LMX1A: variants seen among roughly 807,000 people sequenced by gnomAD.
LMX1A encodes LIM homeobox transcription factor 1-alpha.
Under a neutral mutation model 49.1 loss-of-function variants are expected in LMX1A, and 15 were observed. The observed-to-expected ratio is 0.31, with a 90% confidence interval of 0.20 to 0.47. The LOEUF (loss-of-function observed/expected upper bound fraction) is 0.47, where lower values mean the gene tolerates loss of function less well. LMX1A is among the 20% of genes least tolerant of loss of function. The pLI is 1.00. For missense variants in LMX1A, 372 were observed against 475.8 expected, an observed-to-expected ratio of 0.78 and a Z score of 2.03; for synonymous variants, 167 against 185.7, an observed-to-expected ratio of 0.90 and a Z score of 0.82.
intron 8 of LMX1A, among the ~76,000 whole-genome samples, chr1:165,205,344 A>G (rs1651032841): frequency 6.6e-6 from 1 of 152,164 alleles, no homozygotes. Context: ...CAGCATTTAA[A>G]TCAATGCTTC....
At chr1:165,306,035 C>T (rs1654911559) in intron 3 of LMX1A, among the ~76,000 whole-genome samples, 1 of 152,180 alleles carries the variant, frequency 6.6e-6, no homozygotes, top group African/African-American at 2.4e-5. Context: ...ATGTCCCAGA[C>T]GTGCGTACAG....
chr1:165,281,333 G>T (rs1654141822), intron 3 of LMX1A, among the ~76,000 whole-genome samples: 1 of 152,212 alleles, frequency 6.6e-6, no homozygotes, highest in Non-Finnish European at 1.5e-5. Context: ...AGCTGAGCTG[G>T]CATACCCAGC....
At position 165,353,238 on chromosome 1, in the gene LMX1A, A is replaced by G. The variant is rs762686988; in HGVS notation, c.101T>C (p.Val34Ala). The G allele has an allele frequency of 6.2e-7, 1 of 1,613,016 alleles. No homozygotes were observed. Among genetic ancestry groups the G allele is most frequent in the South Asian group, 1.1e-5 (1 of 91,068 alleles). ...GATGACCCGCTGACAGCCCTCGCAG[A>G]CAGACTTGGGGCTCACCGCTCTGCC... ...LLGRAVSPKS[V>A]CEGCQRVILD... is the part of the protein sequence containing the mutation. The change falls in exon 3 of 9, where the codon GTC becomes GCC. Residue 34 changes from valine (V) to alanine (A), a missense_variant. Physicochemically the swap from Val to Ala is moderately conservative, Grantham distance 64. Around this residue, in one of 3 missense-constraint regions of LMX1A, gnomAD observed 199 missense variants for 244.0 expected, o/e 0.82. Transcript: ENST00000342310.
chr1:165,351,284 AG>A (rs1421889059), intron 3 of LMX1A, among the ~76,000 whole-genome samples: 2 of 152,210 alleles, frequency 1.3e-5, no homozygotes, highest in Non-Finnish European at 2.9e-5. Flanking sequence ...GTAATCTATA[AG>A]CAGAAAGTTA....
intron 3 of LMX1A, among the ~76,000 whole-genome samples, chr1:165,306,684 A>G (rs1278119079): frequency 4.6e-5 from 7 of 152,168 alleles, no homozygotes; most frequent in Non-Finnish European, 8.8e-5. Context: ...CTCCTTCCCA[A>G]ATGTAGTCAG....
intron 4 of LMX1A, among the ~76,000 whole-genome samples, chr1:165,238,423 T>C (rs1652528364): frequency 6.6e-6 from 1 of 152,184 alleles, no homozygotes; most frequent in Non-Finnish European, 1.5e-5. Context: ...AAATCAGTAA[T>C]AGTACCTTAC....
chr1:165,288,216 T>C lies in LMX1A; in HGVS notation c.264-38576A>G, dbSNP rs112201389. ...CTCTCCTGGGTTGGGCCTGCTTGGA[T>C]GAGGAAGTGACAAGCAGTGGGGAAA... On this transcript the variant is annotated intron_variant, in intron 3 of 8. Transcript: ENST00000342310. Among the ~76,000 whole-genome samples, 339 of 152,128 alleles carry C rather than the reference T, an allele frequency of 2.2e-3. 2 individuals carry two copies. Among genetic ancestry groups the C allele is most frequent in the African/African-American group, 7.9e-3 (328 of 41,486 alleles).
At chr1:165,210,466 G>GCCTAGGCCAAATCCACAGCCAAA (rs1194552821) in intron 6 of LMX1A, among the ~76,000 whole-genome samples, 5 of 152,208 alleles carry the variant, frequency 3.3e-5, no homozygotes, top group Non-Finnish European at 7.3e-5. Flanking sequence ...CAAAACCACA[G>GCCTAGGCCAAATCCACAGCCAAA]TCATGGCTGC....
At position 165,204,051 on chromosome 1, in the gene LMX1A, G is replaced by A. The variant is rs778889045; in HGVS notation, c.989-11C>T. The A allele has an allele frequency of 1.4e-5, 23 of 1,613,526 alleles. No homozygotes were observed. In the South Asian group the frequency reaches 2.4e-4, roughly 17 times the overall value. ...AAAGGGGCTCGGCACCTGAAATGGAGATGAAACACTGGCATGAGGGTCTTG... is the reference window on the plus strand; with the variant it reads ...AAAGGGGCTCGGCACCTGAAATGGAAATGAAACACTGGCATGAGGGTCTTG... On this transcript the variant is annotated splice_polypyrimidine_tract_variant and intron_variant, in intron 8 of 8. Coordinates refer to ENST00000342310, the MANE Select transcript of LMX1A (RefSeq NM_177398.4).
At chr1:165,354,024 G>C (rs1245407433) in intron 2 of LMX1A, among the ~76,000 whole-genome samples, 1 of 152,212 alleles carries the variant, frequency 6.6e-6, no homozygotes, top group African/African-American at 2.4e-5. Flanking sequence ...GCGGAGGCAG[G>C]AAATCCACTC....
intron 3 of LMX1A, among the ~76,000 whole-genome samples, chr1:165,253,271 C>T (rs893486067): frequency 6.6e-6 from 1 of 152,128 alleles, no homozygotes; most frequent in African/African-American, 2.4e-5. Context: ...AGCAATGTCC[C>T]ATGAATATAA....
chr1:165,343,925 A>G (rs1008248248), intron 3 of LMX1A, among the ~76,000 whole-genome samples: 4 of 152,214 alleles, frequency 2.6e-5, no homozygotes, highest in Non-Finnish European at 5.9e-5. Flanking sequence ...AGAATAGAAC[A>G]TTATCTTGTC....
chr1:165,341,589 A>AATATAT (rs5778445), intron 3 of LMX1A, among the ~76,000 whole-genome samples: 2,680 of 146,622 alleles, frequency 0.018, 54 homozygotes, highest in African/African-American at 0.043. Flanking sequence ...CAATAAACCA[A>AATATAT]ATATATATAT....
intron 3 of LMX1A, among the ~76,000 whole-genome samples, chr1:165,310,504 T>C (rs76707451): frequency 6.6e-6 from 1 of 152,208 alleles, no homozygotes; most frequent in Non-Finnish European, 1.5e-5. Context: ...AAGTGAGTTA[T>C]CATGCATAGC....
intron 4 of LMX1A, among the ~76,000 whole-genome samples, chr1:165,248,778 A>C (rs1652950396): frequency 6.6e-6 from 1 of 152,228 alleles, no homozygotes; most frequent in African/African-American, 2.4e-5. Context: ...GTTCCAATCC[A>C]TCATCCTCTT....
chr1:165,275,041 A>C (rs1304903574), intron 3 of LMX1A, among the ~76,000 whole-genome samples: 56 of 152,226 alleles, frequency 3.7e-4, no homozygotes, highest in Non-Finnish European at 1.8e-4. Context: ...TTTTGGTCTT[A>C]TTTTAATTTT....
intron 1 of LMX1A, 21 bp downstream of exon 1, chr1:165,356,334 G>C (rs867836875): frequency 2.9e-4 from 44 of 152,338 alleles, no homozygotes; most frequent in African/African-American, 8.9e-4. Flanking sequence ...CCACAGCCTA[G>C]GCACGGGCAG....
chr1:165,348,884 C>T (rs1427404048), intron 3 of LMX1A, among the ~76,000 whole-genome samples: 1 of 152,184 alleles, frequency 6.6e-6, no homozygotes, highest in Non-Finnish European at 1.5e-5. Context: ...CAGCCACTTT[C>T]CCCTTTTTCA....
At chr1:165,248,023 TAC>T (rs1652920776) in intron 4 of LMX1A, among the ~76,000 whole-genome samples, 1 of 152,226 alleles carries the variant, frequency 6.6e-6, no homozygotes, top group South Asian at 2.1e-4. Flanking sequence ...AAATAAGACA[TAC>T]ACTGTCCTTC....
Sources: allele counts gnomAD v4.1 joint callset (sites outside exome capture counted in the v4.1 genomes callset), GRCh38; gene constraint gnomAD v4.1.1; regional missense constraint gnomAD v4.1.1; transcripts MANE v1.5; gene names NCBI Gene and HGNC (gene_info 2026-07-23, HGNC 2026-07-21).